GFRA1: variants seen among roughly 807,000 people sequenced by gnomAD.
The protein encoded by GFRA1 is GDNF family receptor alpha-1.
Under a neutral mutation model 51.6 loss-of-function variants are expected in GFRA1, and 16 were observed. That is an observed-to-expected ratio of 0.31 (90% CI 0.21 to 0.47). The LOEUF is 0.47. GFRA1 is among the 20% of genes least tolerant of loss of function. The pLI, the probability that GFRA1 is intolerant of heterozygous loss-of-function variation, is 1.00. For synonymous variants in GFRA1, 270 were observed against 241.3 expected (o/e 1.12, Z -1.10); for missense variants, 530 against 594.3 (o/e 0.89, Z 1.13).
At chr10:116,114,270 C>T (rs1957325515) in intron 6 of GFRA1, among the ~76,000 whole-genome samples, 1 of 152,202 alleles carries the variant, frequency 6.6e-6, no homozygotes, top group Non-Finnish European at 1.5e-5. Context: ...TAGTGAATCT[C>T]CCCACTCTGT....
intron 4 of GFRA1, among the ~76,000 whole-genome samples, chr10:116,220,834 T>C (rs565708032): frequency 2.6e-5 from 4 of 152,304 alleles, no homozygotes; most frequent in Admixed American, 2.6e-4. Flanking sequence ...GCTGCAATCT[T>C]TTCCAGTTCT....
chr10:116,240,732 AT>A (rs1967291578), intron 4 of GFRA1, among the ~76,000 whole-genome samples: 1 of 152,174 alleles, frequency 6.6e-6, no homozygotes, highest in African/African-American at 2.4e-5. Context: ...AACCGTACGC[AT>A]CTTAGCCACC....
chr10:116,093,216 A>G (rs1328401992), intron 8 of GFRA1, among the ~76,000 whole-genome samples: 2 of 152,146 alleles, frequency 1.3e-5, no homozygotes, highest in Admixed American at 6.5e-5. Context: ...CCAAGGGGCT[A>G]TTGATGTTAA....
At chr10:116,089,130 G>GC (rs1225341465) in intron 9 of GFRA1, among the ~76,000 whole-genome samples, 1 of 152,132 alleles carries the variant, frequency 6.6e-6, no homozygotes, top group African/African-American at 2.4e-5. Context: ...TAACCCCAGA[G>GC]AATGTTCTTG....
intron 6 of GFRA1, among the ~76,000 whole-genome samples, chr10:116,109,571 G>C (rs1957125591): frequency 6.6e-6 from 1 of 152,238 alleles, no homozygotes; most frequent in Non-Finnish European, 1.5e-5. Flanking sequence ...CCTTCCCCGG[G>C]CTGTGTTCCC....
intron 4 of GFRA1, among the ~76,000 whole-genome samples, chr10:116,268,050 G>A (rs1969813775): frequency 6.6e-6 from 1 of 152,058 alleles, no homozygotes; most frequent in Admixed American, 6.5e-5. Flanking sequence ...GAAGAACCCA[G>A]CCTAGGGATC....
chr10:116,132,344 A>C (rs1958138824), intron 5 of GFRA1, among the ~76,000 whole-genome samples: 1 of 152,172 alleles, frequency 6.6e-6, no homozygotes, highest in Non-Finnish European at 1.5e-5. Context: ...AACTTAGAGG[A>C]TGGACATATG....
intron 6 of GFRA1, among the ~76,000 whole-genome samples, chr10:116,123,438 G>T (rs917988722): frequency 2.6e-5 from 4 of 152,200 alleles, no homozygotes; most frequent in Non-Finnish European, 5.9e-5. Context: ...CTCCCAAAAA[G>T]TCTTCAGCAT....
At chr10:116,089,692 C>G (rs1956246825) in intron 9 of GFRA1, 49 bp downstream of exon 9, 9 of 1,500,210 alleles carry the variant, frequency 6.0e-6, no homozygotes, top group African/African-American at 2.7e-5. Context: ...GTGTTTCACC[C>G]CCCCACCAGG....
chr10:116,209,396 C>T (rs1395418149), intron 5 of GFRA1, among the ~76,000 whole-genome samples: 3 of 152,146 alleles, frequency 2.0e-5, no homozygotes, highest in African/African-American at 7.2e-5. Context: ...AGGGACTCCA[C>T]TGGGCAGAGT....
intron 9 of GFRA1, among the ~76,000 whole-genome samples, chr10:116,069,101 AG>A (rs1955250606): frequency 6.6e-6 from 1 of 152,192 alleles, no homozygotes; most frequent in African/African-American, 2.4e-5. Flanking sequence ...AGAAATGCAG[AG>A]AGCCGAAAAA....
At chr10:116,157,982 C>CTT (rs775756360) in intron 5 of GFRA1, among the ~76,000 whole-genome samples, 22 of 152,208 alleles carry the variant, frequency 1.4e-4, no homozygotes, top group Non-Finnish European at 2.6e-4. Context: ...ATTCCTTACT[C>CTT]TTTAAGCCTG....
chr10:116,110,968 G>A (rs1323357335), intron 6 of GFRA1, among the ~76,000 whole-genome samples: 1 of 152,118 alleles, frequency 6.6e-6, no homozygotes, highest in Non-Finnish European at 1.5e-5. Context: ...TTTGGATCTT[G>A]AACACACGTG....
chr10:116,155,177 T>C lies in GFRA1; in HGVS notation c.434-29620A>G, dbSNP rs79672623. Among the ~76,000 whole-genome samples the C allele has an allele frequency of 7.2e-3, 1,089 of 152,262 alleles. 7 individuals carry two copies. Among genetic ancestry groups the C allele is most frequent in the Non-Finnish European group, 0.011 (733 of 68,028 alleles). The stretch of plus-strand genomic sequence containing the variant: ...CTATGGTTATGTATTATAATTCCCA[T>C]ATTAAAAATAGGGAAATAGATTTAA... On this transcript the variant is annotated intron_variant, in intron 5 of 10. Transcript: ENST00000355422.
intron 6 of GFRA1, among the ~76,000 whole-genome samples, chr10:116,097,930 G>A (rs1256771076): frequency 3.3e-5 from 5 of 152,166 alleles, no homozygotes; most frequent in Admixed American, 6.5e-5. Context: ...CTAAGGAAGC[G>A]CATTATGCAT....
chr10:116,125,412 G>A lies in GFRA1; in HGVS notation c.579C>T (p.His193=). 6.2e-7 allele frequency: 1 copy of A among 1,614,250 alleles called. No individual in the cohort carries two copies. The highest frequency in any genetic ancestry group is 8.5e-7 in the Non-Finnish European group (1 of 1,180,040). ...TGTCAAAGAACTGCCGGAGGGCCTT[G>A]TGGCACTTGCGGCGGTTGCAGACAT... The part of the protein sequence containing the change: ...SNDVCNRRKC[H]KALRQFFDKV... Residue 193 remains histidine (H), a synonymous_variant, in exon 6 of 11, where the codon CAC becomes CAT. Transcript: ENST00000355422.
intron 4 of GFRA1, among the ~76,000 whole-genome samples, chr10:116,237,928 G>A (rs1967025195): frequency 6.6e-6 from 1 of 152,118 alleles, no homozygotes; most frequent in African/African-American, 2.4e-5. Context: ...GCATCACAGG[G>A]ACACATCCAA....
chr10:116,193,225 A>C (rs1435443183), intron 5 of GFRA1, among the ~76,000 whole-genome samples: 1 of 152,192 alleles, frequency 6.6e-6, no homozygotes, highest in Admixed American at 6.5e-5. Flanking sequence ...CCATTTCTGC[A>C]AACAGCGGGT....
chr10:116,211,119 A>G (rs1385084646), intron 5 of GFRA1, among the ~76,000 whole-genome samples: 1 of 152,164 alleles, frequency 6.6e-6, no homozygotes, highest in Non-Finnish European at 1.5e-5. Flanking sequence ...GGGTGACACT[A>G]TCTCAGTCAG....
Sources: allele counts gnomAD v4.1 joint callset (sites outside exome capture counted in the v4.1 genomes callset), GRCh38; gene constraint gnomAD v4.1.1; transcripts MANE v1.5; gene names NCBI Gene and HGNC (gene_info 2026-07-23, HGNC 2026-07-21).